Variants in PPP2R5E observed in about 807,000 individuals in gnomAD.
The protein encoded by PPP2R5E is protein phosphatase 2 regulatory subunit B'epsilon.
Under a neutral mutation model 65.3 loss-of-function variants are expected in PPP2R5E, and 4 were observed. That is an observed-to-expected ratio of 0.06 (90% CI 0.03 to 0.14). PPP2R5E has a LOEUF of 0.14. Ranked by LOEUF, PPP2R5E falls within the 10% of genes least tolerant of loss-of-function variation. The pLI is 1.00. For missense variants in PPP2R5E, 274 were observed against 556.1 expected, an observed-to-expected ratio of 0.49 and a Z score of 5.10; for synonymous variants, 183 against 187.4, an observed-to-expected ratio of 0.98 and a Z score of 0.19.
intron 2 of PPP2R5E, among the ~76,000 whole-genome samples, chr14:63,505,690 G>A (rs1892128714): frequency 6.6e-6 from 1 of 152,190 alleles, no homozygotes; most frequent in Admixed American, 6.5e-5. Context: ...TGGACCAGCT[G>A]CATCCCCTCT....
At chr14:63,484,018 A>G (rs1890846569) in intron 2 of PPP2R5E, among the ~76,000 whole-genome samples, 1 of 150,744 alleles carries the variant, frequency 6.6e-6, no homozygotes, top group South Asian at 2.2e-4. Context: ...GGTGAGGCGG[A>G]GGTTGCAGTA....
Position 63,399,366 on chromosome 14 carries a change from C to CTTTGTTTT in PPP2R5E, c.550-2651_550-2650insAAAACAAA, listed in dbSNP as rs1885604828. ...GCTACTAATAGGTCTGGATTTCTTT[C>CTTTGTTTT]TTTTTTTTTTTTTTTTTTTTTTTTT... is the stretch of plus-strand genomic sequence containing the variant. On this transcript the variant is annotated intron_variant, in intron 5 of 13. Transcript: ENST00000337537. Among the ~76,000 whole-genome samples the CTTTGTTTT allele has an allele frequency of 1.9e-4, 9 of 48,522 alleles. 1 individual carries two copies. The highest frequency in any genetic ancestry group is 2.2e-4 in the Non-Finnish European group (6 of 27,606). 31.8% of individuals were successfully genotyped at this position (48,522 alleles called of 152,430 possible). A position where few individuals can be genotyped will look rare whatever the true frequency, so the allele number is the denominator to read the frequency against.
rs78012746 is a variant in PPP2R5E, at chr14:63,471,448, T to C, written c.158-17563A>G. On this transcript the variant is annotated intron_variant, in intron 2 of 13. Coordinates refer to ENST00000337537, the MANE Select transcript of PPP2R5E (RefSeq NM_006246.5). ...AAAAGATACGCATTCTAAAGAGCCA[T>C]TTCCTGTTTCACAATAAATAGTTTC... is the stretch of plus-strand genomic sequence containing the variant. Among the ~76,000 whole-genome samples the C allele has an allele frequency of 8.0e-3, 1,221 of 152,290 alleles. 44 individuals carry two copies. In the East Asian group the frequency reaches 0.11, roughly 14 times the overall value.
intron 2 of PPP2R5E, among the ~76,000 whole-genome samples, chr14:63,525,971 C>T (rs1893169642): frequency 6.6e-6 from 1 of 152,166 alleles, no homozygotes. Flanking sequence ...ATTCTCCTGC[C>T]TCAGCCTCCC....
intron 2 of PPP2R5E, among the ~76,000 whole-genome samples, chr14:63,523,809 ACT>A (rs1253557744): frequency 6.6e-6 from 1 of 152,086 alleles, no homozygotes; most frequent in Admixed American, 6.6e-5. Context: ...CCTCAAAAAA[ACT>A]CTTCACCTTT....
intron 2 of PPP2R5E, among the ~76,000 whole-genome samples, chr14:63,456,636 C>A (rs1440079551): frequency 6.6e-6 from 1 of 152,190 alleles, no homozygotes; most frequent in Non-Finnish European, 1.5e-5. Context: ...CAGTGACTTG[C>A]CCATAGTCAC....
intron 2 of PPP2R5E, among the ~76,000 whole-genome samples, chr14:63,475,105 C>T (rs1235174323): frequency 6.6e-6 from 1 of 152,238 alleles, no homozygotes; most frequent in African/African-American, 2.4e-5. Context: ...CAACCCACAC[C>T]TCACCCTCCC....
At chr14:63,429,983 C>T (rs557505084) in intron 3 of PPP2R5E, among the ~76,000 whole-genome samples, 2 of 151,916 alleles carry the variant, frequency 1.3e-5, no homozygotes, top group East Asian at 3.9e-4. Context: ...TGCACCCGGC[C>T]GTATTATTTT....
rs1162009419 is a variant in PPP2R5E at position 63,373,889 on chromosome 14, GAGA to G, written c.*2117_*2119del. 1 of 151,890 alleles carries G rather than the reference GAGA, an allele frequency of 6.6e-6. No homozygotes were observed. The highest frequency in any genetic ancestry group is 2.4e-5 in the African/African-American group (1 of 41,350). 9.4% of individuals were successfully genotyped at this position (151,890 alleles called of 1,614,324 possible). A position where few individuals can be genotyped will look rare whatever the true frequency, so the allele number is the denominator to read the frequency against. ...GGCTAAAATGACAAGGGCTAAAAAG[GAGA>G]AGATTTGTTACAAATTTATTTTTTA... On this transcript the variant is annotated 3_prime_UTR_variant, in exon 14 of 14. Coordinates refer to ENST00000337537, the MANE Select transcript of PPP2R5E (RefSeq NM_006246.5).
chr14:63,428,377 A>T (rs1177906191), intron 3 of PPP2R5E, among the ~76,000 whole-genome samples: 2 of 152,240 alleles, frequency 1.3e-5, no homozygotes. Flanking sequence ...AACGACAAAT[A>T]ATTTTTCAGT....
At chr14:63,413,949 T>TACTA (rs2139857762) in intron 5 of PPP2R5E, among the ~76,000 whole-genome samples, 1 of 152,248 alleles carries the variant, frequency 6.6e-6, no homozygotes, top group East Asian at 1.9e-4. Flanking sequence ...GGTGTACAGG[T>TACTA]ACTAATGAGC....
At chr14:63,523,740 C>A (rs543367943) in intron 2 of PPP2R5E, among the ~76,000 whole-genome samples, 1 of 141,698 alleles carries the variant, frequency 7.1e-6, no homozygotes, top group Non-Finnish European at 1.5e-5. Flanking sequence ...AAAGGTTACA[C>A]GCTAAAAAAA....
At chr14:63,474,884 T>G in intron 2 of PPP2R5E, among the ~76,000 whole-genome samples, 1 of 151,948 alleles carries the variant, frequency 6.6e-6, no homozygotes, top group East Asian at 1.9e-4. Context: ...AACCCAACAC[T>G]TACAAGTTGA....
chr14:63,388,964 T>G (rs1884845206), intron 11 of PPP2R5E, among the ~76,000 whole-genome samples: 2 of 152,142 alleles, frequency 1.3e-5, no homozygotes, highest in African/African-American at 2.4e-5. Flanking sequence ...TCCACAGCAC[T>G]GCAGCCATGG....
chr14:63,508,256 G>C, intron 2 of PPP2R5E: 1 of 982,140 alleles, frequency 1.0e-6, no homozygotes, highest in Non-Finnish European at 1.2e-6. Flanking sequence ...TAAACCACGC[G>C]GCTCACTTGT....
At chr14:63,446,745 C>T (rs369686416) in intron 3 of PPP2R5E, among the ~76,000 whole-genome samples, 39 of 147,372 alleles carry the variant, frequency 2.6e-4, no homozygotes, top group African/African-American at 8.7e-4. Flanking sequence ...AGAAGAATGG[C>T]GTGAACCCAG....
chr14:63,415,122 C>A lies in PPP2R5E; in HGVS notation c.549+18G>T. 2 of 1,507,144 alleles carry A rather than the reference C, an allele frequency of 1.3e-6. No homozygotes were observed. Among genetic ancestry groups the A allele is most frequent in the Non-Finnish European group, 1.8e-6 (2 of 1,085,832 alleles). The allele number at this position is 1,507,144 out of a possible 1,614,324, so 93.4% of individuals were successfully genotyped here. A position where few individuals can be genotyped will look rare whatever the true frequency, so the allele number is the denominator to read the frequency against. On this transcript the variant is annotated intron_variant, in intron 5 of 13. Transcript: ENST00000337537. ...TTAACTGGATGACAAATACACACAA[C>A]CACAATAATTTGCTTACCTGTAATA...
intron 3 of PPP2R5E, among the ~76,000 whole-genome samples, chr14:63,436,896 TG>T (rs1887975668): frequency 6.6e-6 from 1 of 152,214 alleles, no homozygotes; most frequent in Non-Finnish European, 1.5e-5. Flanking sequence ...GAACAGGGGC[TG>T]GGTAAAATAA....
chr14:63,465,500 C>T (rs1889750726), intron 2 of PPP2R5E, among the ~76,000 whole-genome samples: 4 of 150,846 alleles, frequency 2.7e-5, no homozygotes, highest in Admixed American at 2.6e-4. Context: ...ATTAGCCAGG[C>T]CTGTAGTCTC....
Sources: gnomAD v4.1 joint callset for allele counts (sites outside exome capture counted in the v4.1 genomes callset) on GRCh38, gnomAD v4.1.1 for gene constraint, MANE v1.5 for transcripts, NCBI Gene and HGNC (gene_info 2026-07-23, HGNC 2026-07-21) for gene names.